The following DLG2 variants were observed in gnomAD, a reference collection of about 807,000 sequenced individuals.
DLG2 encodes the protein discs large MAGUK scaffold protein 2.
DLG2 carries 45 observed loss-of-function variants against 132.5 expected under a neutral mutation model. That is an observed-to-expected ratio of 0.34 (90% CI 0.27 to 0.44). The LOEUF is 0.44. DLG2 is among the 20% of genes least tolerant of loss of function. The pLI is 1.00. For missense variants in DLG2, 1,045 were observed against 1,196.9 expected (o/e 0.87, Z 1.87); for synonymous variants, 424 against 419.6 (o/e 1.01, Z -0.13).
chr11:84,025,445 G>C (rs2095513390), intron 11 of DLG2, among the ~76,000 whole-genome samples: 1 of 152,116 alleles, frequency 6.6e-6, no homozygotes, highest in South Asian at 2.1e-4. Context: ...ATGAGATCTG[G>C]ATGGGGACAC....
chr11:84,512,412 A>G (rs2099259594), intron 7 of DLG2, among the ~76,000 whole-genome samples: 1 of 152,066 alleles, frequency 6.6e-6, no homozygotes, highest in African/African-American at 2.4e-5. Context: ...GAGGAAATTA[A>G]AGGCTACTAT....
intron 2 of DLG2, among the ~76,000 whole-genome samples, chr11:85,621,481 A>C (rs916157140): frequency 1.3e-5 from 2 of 152,246 alleles, no homozygotes; most frequent in African/African-American, 2.4e-5. Context: ...TCCTGGAAAG[A>C]ACTCATCATT....
chr11:85,400,259 T>C (rs1238660268), intron 3 of DLG2, among the ~76,000 whole-genome samples: 7 of 149,794 alleles, frequency 4.7e-5, no homozygotes, highest in Non-Finnish European at 7.4e-5. Flanking sequence ...TTAGAATGGC[T>C]ATCATTAAAA....
intron 7 of DLG2, among the ~76,000 whole-genome samples, chr11:84,260,957 C>A (rs2097541327): frequency 6.6e-6 from 1 of 152,140 alleles, no homozygotes; most frequent in Non-Finnish European, 1.5e-5. Flanking sequence ...GTGCCCCATG[C>A]CATAATAACC....
intron 5 of DLG2, among the ~76,000 whole-genome samples, chr11:85,150,166 C>T (rs550751613): frequency 7.5e-4 from 114 of 151,654 alleles, no homozygotes; most frequent in Non-Finnish European, 1.5e-3. Context: ...ACTACAGGCA[C>T]CTGCCACTAT....
chr11:83,979,070 C>T (rs1445905285), intron 12 of DLG2, among the ~76,000 whole-genome samples: 5 of 152,000 alleles, frequency 3.3e-5, no homozygotes, highest in African/African-American at 7.2e-5. Flanking sequence ...TATAAAAGAA[C>T]ATGGAACTTA....
chr11:84,317,276 C>T, intron 7 of DLG2: 1 of 1,477,184 alleles, frequency 6.8e-7, no homozygotes, highest in Non-Finnish European at 8.9e-7. Flanking sequence ...TTGACAGCTG[C>T]TATAAGCAGT....
At position 84,485,096 on chromosome 11, in the gene DLG2, A is replaced by G. The variant is rs1430226691; in HGVS notation, c.519+49474T>C. 2.6e-5 allele frequency among the ~76,000 whole-genome samples: 4 copies of G among 152,148 alleles called. No homozygotes were observed. The East Asian group carries it at 7.7e-4, about 29-fold the overall frequency. On this transcript the variant is annotated intron_variant, in intron 7 of 27. Transcript: ENST00000376104. ...GATTGCACAGCTAACATGGAGCCAG[A>G]ATTTCAATTCAGGTATTCTAGGTCC...
At chr11:84,045,606 A>C (rs759245494) in intron 11 of DLG2, among the ~76,000 whole-genome samples, 10 of 151,712 alleles carry the variant, frequency 6.6e-5, no homozygotes, top group Non-Finnish European at 1.0e-4. Context: ...TATGGAGCTC[A>C]CGTGCACAAA....
chr11:84,925,884 A>G (rs534033993), intron 6 of DLG2, among the ~76,000 whole-genome samples: 1 of 152,276 alleles, frequency 6.6e-6, no homozygotes, highest in South Asian at 2.1e-4. Context: ...TAAACATACT[A>G]GAAGAAAACA....
At chr11:85,135,270 C>G (rs1401988500) in intron 5 of DLG2, among the ~76,000 whole-genome samples, 1 of 152,180 alleles carries the variant, frequency 6.6e-6, no homozygotes, top group Non-Finnish European at 1.5e-5. Context: ...GTTTAAATGA[C>G]TTCCTAAAAG....
chr11:84,554,500 A>G (rs952603030), intron 6 of DLG2, among the ~76,000 whole-genome samples: 2 of 152,132 alleles, frequency 1.3e-5, no homozygotes, highest in Non-Finnish European at 2.9e-5. Context: ...TAATCCCAGC[A>G]CTTTGGGAGG....
At chr11:85,457,057 G>T (rs2092446070) in intron 3 of DLG2, among the ~76,000 whole-genome samples, 1 of 152,056 alleles carries the variant, frequency 6.6e-6, no homozygotes, top group Non-Finnish European at 1.5e-5. Context: ...TAATTGTGTG[G>T]GAATCTAGGT....
At chr11:84,828,523 G>A (rs1249145720) in intron 6 of DLG2, among the ~76,000 whole-genome samples, 1 of 151,798 alleles carries the variant, frequency 6.6e-6, no homozygotes, top group African/African-American at 2.4e-5. Flanking sequence ...AGCACTTACA[G>A]AAGAATCACA....
At position 83,829,090 on chromosome 11, in the gene DLG2, C is replaced by T. The variant is rs145152856; in HGVS notation, c.1722+4524G>A. Among the ~76,000 whole-genome samples, 231 of 152,234 alleles carry T rather than the reference C, an allele frequency of 1.5e-3. 1 individual carries two copies. The highest frequency in any genetic ancestry group is 0.01 in the Middle Eastern group (3 of 292). On this transcript the variant is annotated intron_variant, in intron 17 of 27. Coordinates refer to ENST00000376104, the MANE Select transcript of DLG2 (RefSeq NM_001142699.3). ...AAAGACATATCCTCCAGATCCCTTC[C>T]CTGGGGATTCTACTTCCTTTCTCTG...
intron 6 of DLG2, among the ~76,000 whole-genome samples, chr11:84,627,957 C>A (rs1212212610): frequency 1.3e-5 from 2 of 152,024 alleles, no homozygotes; most frequent in Non-Finnish European, 2.9e-5. Flanking sequence ...CCACCTCCAA[C>A]ATAGGGGATT....
At chr11:84,089,373 TCTTTTCCTCCCCTCTCTGTGTTTC>T (rs1045600322) in intron 10 of DLG2, among the ~76,000 whole-genome samples, 2 of 152,184 alleles carry the variant, frequency 1.3e-5, no homozygotes, top group Non-Finnish European at 2.9e-5. Flanking sequence ...TTTTCTTCCT[TCTTTTCCTCCCCTCTCTGTGTTTC>T]CTTTTCCTCC....
intron 5 of DLG2, among the ~76,000 whole-genome samples, chr11:85,148,926 T>G (rs535483239): frequency 6.0e-4 from 91 of 152,342 alleles, no homozygotes; most frequent in African/African-American, 2.1e-3. Context: ...AATTTTTGTA[T>G]AAAGTATAAG....
rs111467027 is a variant in DLG2 at position 85,487,950 on chromosome 11, G to A, written c.40+110707C>T. Among the ~76,000 whole-genome samples the A allele has an allele frequency of 9.6e-3, 1,466 of 152,286 alleles. 21 individuals carry two copies. The highest frequency in any genetic ancestry group is 0.033 in the African/African-American group (1,383 of 41,534). On this transcript the variant is annotated intron_variant, in intron 3 of 27. Coordinates refer to ENST00000376104, the MANE Select transcript of DLG2 (RefSeq NM_001142699.3). ...CCATAATTCCCATGTGCTGTGGGAGGGACCCAGTGGGAGATAATTAGAATC... is the reference window on the plus strand; with the variant it reads ...CCATAATTCCCATGTGCTGTGGGAGAGACCCAGTGGGAGATAATTAGAATC...
Sources: allele counts gnomAD v4.1 joint callset (sites outside exome capture counted in the v4.1 genomes callset), GRCh38; gene constraint gnomAD v4.1.1; transcripts MANE v1.5; gene names NCBI Gene and HGNC (gene_info 2026-07-23, HGNC 2026-07-21).